The following C13orf42 variants were observed in gnomAD, a reference collection of about 807,000 sequenced individuals.
C13orf42 encodes chromosome 13 open reading frame 42, also known as uncharacterized protein C13orf42.
intron 1 of C13orf42, among the ~76,000 whole-genome samples, chr13:51,156,781 T>C (rs1425290108): frequency 1.3e-5 from 2 of 152,206 alleles, no homozygotes; most frequent in African/African-American, 4.8e-5. Flanking sequence ...TCAGCTCTCA[T>C]GGGCATCTGG....
intron 1 of C13orf42, 136 bp downstream of exon 1, chr13:51,110,660 T>C (rs1953417886): frequency 2.5e-6 from 1 of 396,446 alleles, no homozygotes; most frequent in African/African-American, 2.1e-5. Flanking sequence ...GCATAAAGCA[T>C]CTGAGGACTA....
intron 1 of C13orf42, among the ~76,000 whole-genome samples, chr13:51,154,110 C>T (rs1253785363): frequency 2.0e-5 from 3 of 152,114 alleles, no homozygotes; most frequent in Non-Finnish European, 4.4e-5. Context: ...TTGTGACTGG[C>T]TTATTTCACT....
upstream of C13orf42, among the ~76,000 whole-genome samples, chr13:51,113,008 T>C (rs751159125): frequency 1.3e-5 from 2 of 152,230 alleles, no homozygotes; most frequent in Admixed American, 6.5e-5. Flanking sequence ...AGGCTATGAC[T>C]ACACAGCCTT....
chr13:51,111,931 CAGG>C (rs1300142062), upstream of C13orf42, among the ~76,000 whole-genome samples: 1 of 152,174 alleles, frequency 6.6e-6, no homozygotes, highest in Non-Finnish European at 1.5e-5. Context: ...ATTGTGGAGG[CAGG>C]AGGAGGATTC....
intron 1 of C13orf42, among the ~76,000 whole-genome samples, chr13:51,171,151 C>A (rs1953947113): frequency 6.6e-6 from 1 of 152,118 alleles, no homozygotes; most frequent in Admixed American, 6.5e-5. Context: ...ATTCCTCCTT[C>A]TCCTCCCTTA....
intron 1 of C13orf42, among the ~76,000 whole-genome samples, chr13:51,137,287 G>A (rs769677587): frequency 1.2e-4 from 18 of 152,170 alleles, no homozygotes; most frequent in Non-Finnish European, 2.2e-4. Flanking sequence ...GATCATCAGC[G>A]AGGGAGTTGA....
intron 1 of C13orf42, among the ~76,000 whole-genome samples, chr13:51,108,611 G>C (rs1953389254): frequency 6.6e-6 from 1 of 152,190 alleles, no homozygotes; most frequent in Admixed American, 6.5e-5. Flanking sequence ...GTGAACGCTG[G>C]AGTAAGTACC....
At chr13:51,110,671 T>C (rs1004461754) in intron 1 of C13orf42, 125 bp downstream of exon 1, 2 of 396,888 alleles carry the variant, frequency 5.0e-6, no homozygotes, top group Non-Finnish European at 8.9e-6. Flanking sequence ...CTGAGGACTA[T>C]TGCGCCGCGG....
chr13:51,136,467 C>A (rs1953658639), intron 1 of C13orf42, among the ~76,000 whole-genome samples: 1 of 152,086 alleles, frequency 6.6e-6, no homozygotes. Flanking sequence ...TTAGTCGTGG[C>A]AGAGAAGGAT....
intron 1 of C13orf42, among the ~76,000 whole-genome samples, chr13:51,145,840 A>G (rs1442018769): frequency 6.6e-6 from 1 of 152,200 alleles, no homozygotes; most frequent in East Asian, 1.9e-4. Context: ...TACTTCTAAC[A>G]TATATTGATT....
intron 1 of C13orf42, among the ~76,000 whole-genome samples, chr13:51,128,730 T>C (rs1226861310): frequency 6.6e-6 from 1 of 152,222 alleles, no homozygotes; most frequent in Non-Finnish European, 1.5e-5. Flanking sequence ...TTGCACTCTT[T>C]GCTGATGTTG....
intron 1 of C13orf42, among the ~76,000 whole-genome samples, chr13:51,136,474 G>A (rs1953658709): frequency 6.6e-6 from 1 of 152,202 alleles, no homozygotes; most frequent in African/African-American, 2.4e-5. Context: ...TGGCAGAGAA[G>A]GATTTGGACA....
rs79640334 is a variant in C13orf42 at position 51,153,810 on chromosome 13, G to C, written n.136+18443C>G. On this transcript the variant is annotated intron_variant and non_coding_transcript_variant, in intron 1 of 4. Coordinates refer to the C13orf42 transcript ENST00000433280. The stretch of plus-strand genomic sequence containing the variant: ...GTGCATTCCTAGCTAAGTTTTGTAT[G>C]TTTAGTAGAGAAAGGATTTCGCCAT... Among the ~76,000 whole-genome samples, 1,245 of 151,444 alleles carry C rather than the reference G, an allele frequency of 8.2e-3. 23 individuals carry two copies. The highest frequency in any genetic ancestry group is 0.029 in the African/African-American group (1,201 of 41,276).
At chr13:51,090,477 T>C (rs945190000) in intron 1 of C13orf42, among the ~76,000 whole-genome samples, 5 of 152,154 alleles carry the variant, frequency 3.3e-5, no homozygotes, top group African/African-American at 1.2e-4. Context: ...TTAATAGTAA[T>C]GCAAGGTCCA....
intron 1 of C13orf42, among the ~76,000 whole-genome samples, chr13:51,118,093 T>C (rs998533887): frequency 1.3e-5 from 2 of 152,238 alleles, no homozygotes; most frequent in Admixed American, 6.5e-5. Context: ...TTTTGTGGCA[T>C]GATCTTGTGT....
intron 1 of C13orf42, among the ~76,000 whole-genome samples, chr13:51,103,568 G>A (rs1953315832): frequency 6.6e-6 from 1 of 152,146 alleles, no homozygotes; most frequent in Non-Finnish European, 1.5e-5. Flanking sequence ...AGGTGTGGTG[G>A]TGAGCGCCTG....
chr13:51,171,677 C>T lies in C13orf42; in HGVS notation n.136+576G>A, dbSNP rs574300739. Among the ~76,000 whole-genome samples the T allele has an allele frequency of 2.8e-4, 43 of 152,228 alleles. No individual in the cohort carries two copies. In the East Asian group the frequency reaches 5.4e-3, roughly 19 times the overall value. On this transcript the variant is annotated intron_variant and non_coding_transcript_variant, in intron 1 of 4. Transcript: ENST00000433280. ...TTTCGTTCGGTGACTAGCCCTCCCC[C>T]ACCTGCCCAGCAATTTACTCTTAAA...
chr13:51,163,894 G>A (rs1274941783), intron 1 of C13orf42, among the ~76,000 whole-genome samples: 1 of 152,270 alleles, frequency 6.6e-6, no homozygotes, highest in South Asian at 2.1e-4. Context: ...CAAGTGTTTA[G>A]TGGAATAGAG....
upstream of C13orf42, among the ~76,000 whole-genome samples, chr13:51,114,810 C>T (rs1420522840): frequency 6.6e-6 from 1 of 152,154 alleles, no homozygotes; most frequent in African/African-American, 2.4e-5. Flanking sequence ...AGGACTCTAA[C>T]GTACAACATG....
Sources: gnomAD v4.1 joint callset for allele counts (sites outside exome capture counted in the v4.1 genomes callset) on GRCh38, gnomAD v4.1.1 for gene constraint, MANE v1.5 for transcripts, NCBI Gene and HGNC (gene_info 2026-07-23, HGNC 2026-07-21) for gene names.